MYLK4: variants seen among roughly 807,000 people sequenced by gnomAD.
The protein encoded by MYLK4 is myosin light chain kinase family member 4.
Under a neutral mutation model 48.1 loss-of-function variants are expected in MYLK4, and 46 were observed. That is an observed-to-expected ratio of 0.96 (90% CI 0.75 to 1.22). The LOEUF (loss-of-function observed/expected upper bound fraction) is 1.22, where lower values mean the gene tolerates loss of function less well. Among genes scored for constraint, MYLK4 ranks in the 50% most tolerant of loss-of-function variants. MYLK4 has a pLI of 0.00. For synonymous variants in MYLK4, 170 were observed against 180.8 expected (o/e 0.94, Z 0.48); for missense variants, 451 against 486.1 (o/e 0.93, Z 0.68).
intron 2 of MYLK4, among the ~76,000 whole-genome samples, chr6:2,725,585 G>GAAAGAA (rs59504068): frequency 9.8e-6 from 1 of 101,770 alleles, no homozygotes; most frequent in African/African-American, 3.4e-5. Flanking sequence ...GAAAAAGAAA[G>GAAAGAA]AGAAAGAAAG....
chr6:2,714,994 G>A (rs1392206695), intron 2 of MYLK4, among the ~76,000 whole-genome samples: 1 of 152,196 alleles, frequency 6.6e-6, no homozygotes, highest in Non-Finnish European at 1.5e-5. Context: ...GCTGGGCGTG[G>A]TGGCTCACTC....
rs77001707 is a variant in MYLK4, at chr6:2,695,468, G to T, written c.160-2609C>A. Among the ~76,000 whole-genome samples, 569 of 152,282 alleles carry T rather than the reference G, an allele frequency of 3.7e-3. 4 individuals are homozygous for T. Among genetic ancestry groups the T allele is most frequent in the Non-Finnish European group, 5.3e-3 (363 of 68,016 alleles). ...TGCTAACCCAATATTCTTTGGGTTC[G>T]GAGTTGGACTTGACCAACAGGAGAA... On this transcript the variant is annotated intron_variant, in intron 2 of 12. Coordinates refer to ENST00000274643, the MANE Select transcript of MYLK4 (RefSeq NM_001012418.5).
At chr6:2,763,587 A>G in the MYLK4 span, among the ~76,000 whole-genome samples, 5 of 152,094 alleles carry the variant, frequency 3.3e-5, no homozygotes, top group African/African-American at 1.2e-4. Flanking sequence ...GCCTACTCCC[A>G]CCCGGAACTC....
rs777326625 is a variant in MYLK4, at chr6:2,750,754, G to C, written c.-131C>G. 6.6e-6 allele frequency: 1 copy of C among 152,264 alleles called. No individual in the cohort carries two copies. Among genetic ancestry groups the C allele is most frequent in the Non-Finnish European group, 1.5e-5 (1 of 68,042 alleles). 9.4% of individuals were successfully genotyped at this position (152,264 alleles called of 1,614,324 possible). A position where few individuals can be genotyped will look rare whatever the true frequency, so the allele number is the denominator to read the frequency against. Reference sequence around the variant, plus strand: ...TAATTACCATTGATAGGATCACATCGAAGAGCTTGAGCCACTCCAAGTCTA... The same window carrying C: ...TAATTACCATTGATAGGATCACATCCAAGAGCTTGAGCCACTCCAAGTCTA... On this transcript the variant is annotated 5_prime_UTR_variant, in exon 1 of 13. Transcript: ENST00000274643.
intron 2 of MYLK4, among the ~76,000 whole-genome samples, chr6:2,728,022 T>C (rs137899950): frequency 0.013 from 1,905 of 151,914 alleles, 23 homozygotes; most frequent in Non-Finnish European, 0.019. Flanking sequence ...TATTTAATGC[T>C]CACCTCAACC....
intron 2 of MYLK4, among the ~76,000 whole-genome samples, chr6:2,731,804 G>T (rs372905506): frequency 6.6e-6 from 1 of 152,164 alleles, no homozygotes; most frequent in African/African-American, 2.4e-5. Flanking sequence ...TTTTATATGC[G>T]TAGGTTATCT....
At chr6:2,737,606 T>A (rs1763724546) in intron 2 of MYLK4, among the ~76,000 whole-genome samples, 1 of 152,244 alleles carries the variant, frequency 6.6e-6, no homozygotes, top group South Asian at 2.1e-4. Flanking sequence ...GAATTTGGTA[T>A]CTGACAGAAT....
the MYLK4 span, chr6:2,765,603 CG>C: frequency 3.3e-6 from 5 of 1,494,648 alleles, no homozygotes; most frequent in East Asian, 2.9e-5. Context: ...CGCCGGGCGC[CG>C]GGGAGGGCGG....
intron 10 of MYLK4, among the ~76,000 whole-genome samples, chr6:2,676,665 G>A (rs1055322732): frequency 3.9e-5 from 6 of 152,118 alleles, no homozygotes; most frequent in African/African-American, 1.4e-4. Flanking sequence ...GGCCCAAATG[G>A]GCATCTGATG....
chr6:2,717,777 C>A (rs1027751446), intron 2 of MYLK4, among the ~76,000 whole-genome samples: 1 of 152,198 alleles, frequency 6.6e-6, no homozygotes, highest in South Asian at 2.1e-4. Context: ...CTTCTGACTC[C>A]ACATTCAGTG....
At chr6:2,754,141 T>G (rs2113394102), upstream of MYLK4, among the ~76,000 whole-genome samples, 1 of 152,268 alleles carries the variant, frequency 6.6e-6, no homozygotes, top group East Asian at 1.9e-4. Context: ...AAAAGTTATT[T>G]CCCATATGAC....
At position 2,688,924 on chromosome 6, in the gene MYLK4, G is replaced by C; in HGVS notation, c.268C>G (p.His90Asp). The C allele has an allele frequency of 6.2e-7, 1 of 1,614,214 alleles. No homozygotes were observed. The highest frequency in any genetic ancestry group is 8.5e-7 in the Non-Finnish European group (1 of 1,180,030). The change falls in exon 4 of 13, where the codon CAT (histidine) becomes GAT (aspartate). Residue 90 changes from histidine (H) to aspartate (D), a missense_variant. Coordinates refer to ENST00000274643, the MANE Select transcript of MYLK4 (RefSeq NM_001012418.5). ...DIPAPPAPFD[H>D]RIVTAKQGAV... ...CCTTGCTTGGCTGTCACAATACGAT[G>C]ATCAAATGGGGCCGGAGGAGCCGGG...
At chr6:2,677,125 G>A (rs1050958625) in intron 10 of MYLK4, among the ~76,000 whole-genome samples, 3 of 152,060 alleles carry the variant, frequency 2.0e-5, no homozygotes, top group Non-Finnish European at 4.4e-5. Context: ...CATCCTCTAA[G>A]GATGGCCTTA....
At chr6:2,711,181 G>A (rs148817648) in intron 2 of MYLK4, among the ~76,000 whole-genome samples, 7 of 152,270 alleles carry the variant, frequency 4.6e-5, no homozygotes, top group African/African-American at 9.6e-5. Flanking sequence ...TAATTAACAC[G>A]TATCAGTGCC....
chr6:2,765,067 A>G, the MYLK4 span, among the ~76,000 whole-genome samples: 1 of 151,936 alleles, frequency 6.6e-6, no homozygotes, highest in Admixed American at 6.5e-5. Context: ...TCGCCGCTCC[A>G]ACAACCTCGC....
rs144036764 is a variant in MYLK4 at position 2,721,705 on chromosome 6, C to T, written c.159+27431G>A. On this transcript the variant is annotated intron_variant, in intron 2 of 12. Coordinates refer to ENST00000274643, the MANE Select transcript of MYLK4 (RefSeq NM_001012418.5). ...TGCCTCTTTCTTCAGTCTGAACTTC[C>T]CTCCACTTACGGACAGTGGTTCTTG... Among the ~76,000 whole-genome samples the T allele has an allele frequency of 1.6e-3, 238 of 152,290 alleles. 1 individual carries two copies. Among genetic ancestry groups the T allele is most frequent in the African/African-American group, 5.4e-3 (225 of 41,550 alleles).
intron 11 of MYLK4, among the ~76,000 whole-genome samples, chr6:2,671,809 C>A (rs1326938899): frequency 6.6e-6 from 1 of 152,112 alleles, no homozygotes; most frequent in Non-Finnish European, 1.5e-5. Context: ...AAAGAGTCTC[C>A]AGTTTGAGGA....
the MYLK4 span, among the ~76,000 whole-genome samples, chr6:2,768,265 G>A: frequency 6.6e-6 from 1 of 152,142 alleles, no homozygotes; most frequent in Non-Finnish European, 1.5e-5. Flanking sequence ...TCCAGTTCGG[G>A]CTGTGGTTCT....
intron 2 of MYLK4, among the ~76,000 whole-genome samples, chr6:2,738,644 G>A (rs1418503188): frequency 2.0e-5 from 3 of 152,190 alleles, no homozygotes; most frequent in Admixed American, 6.5e-5. Context: ...GAAAGTGGAC[G>A]TTTTCATCTA....
Sources: gnomAD v4.1 joint callset for allele counts (sites outside exome capture counted in the v4.1 genomes callset) on GRCh38, gnomAD v4.1.1 for gene constraint, MANE v1.5 for transcripts, NCBI Gene and HGNC (gene_info 2026-07-23, HGNC 2026-07-21) for gene names.